Variants in DEFB123 observed in about 807,000 individuals in gnomAD.
DEFB123 encodes the protein beta-defensin 123.
For synonymous variants in DEFB123, 22 were observed against 28.3 expected, an observed-to-expected ratio of 0.78 and a Z score of 0.71; for missense variants, 71 against 75.0, an observed-to-expected ratio of 0.95 and a Z score of 0.20.
intron 1 of DEFB123, among the ~76,000 whole-genome samples, chr20:31,443,928 C>T (rs1979524901): frequency 6.6e-6 from 1 of 152,122 alleles, no homozygotes; most frequent in African/African-American, 2.4e-5. Context: ...TGTCTGAACC[C>T]CCCAGGTTCA....
intron 1 of DEFB123, among the ~76,000 whole-genome samples, chr20:31,448,784 T>A (rs1979657421): frequency 6.6e-6 from 1 of 152,072 alleles, no homozygotes; most frequent in Non-Finnish European, 1.5e-5. Context: ...CGATCTCAGC[T>A]CACTGCAACC....
At chr20:31,449,777 A>AG (rs2050956510) in intron 1 of DEFB123, among the ~76,000 whole-genome samples, 2 of 140,792 alleles carry the variant, frequency 1.4e-5, no homozygotes, top group Admixed American at 6.7e-5. Context: ...CAAAAAAAAA[A>AG]AAAAAAAAAA....
Position 31,449,964 on chromosome 20 carries a change from C to T in DEFB123, c.59-65C>T, listed in dbSNP as rs1979695426. 2.0e-6 allele frequency: 3 copies of T among 1,504,374 alleles called. No homozygotes were observed. The East Asian group carries it at 7.4e-5, about 37-fold the overall frequency. The allele number at this position is 1,504,374 out of a possible 1,614,324, so 93.2% of individuals were successfully genotyped here. Reference sequence around the variant, plus strand: ...TCATCTGTTTCCATTCTTTTACAGACCTTTCAAATCCGGAGCCTACTTGTT... The same window carrying T: ...TCATCTGTTTCCATTCTTTTACAGATCTTTCAAATCCGGAGCCTACTTGTT... On this transcript the variant is annotated intron_variant, in intron 1 of 1. Coordinates refer to ENST00000376309, the MANE Select transcript of DEFB123 (RefSeq NM_153324.4).
chr20:31,442,488 A>C (rs1041865225), intron 1 of DEFB123, among the ~76,000 whole-genome samples: 1 of 152,182 alleles, frequency 6.6e-6, no homozygotes, highest in Admixed American at 6.5e-5. Flanking sequence ...GAGGACCCAA[A>C]GAATTTGAAA....
At chr20:31,448,770 G>A (rs1304630501) in intron 1 of DEFB123, among the ~76,000 whole-genome samples, 1 of 151,934 alleles carries the variant, frequency 6.6e-6, no homozygotes, top group Non-Finnish European at 1.5e-5. Flanking sequence ...GAAGTGCGAT[G>A]GCACGATCTC....
intron 1 of DEFB123, among the ~76,000 whole-genome samples, chr20:31,444,003 G>A (rs1979526536): frequency 6.6e-6 from 1 of 152,066 alleles, no homozygotes; most frequent in African/African-American, 2.4e-5. Context: ...ACAAATGTTG[G>A]TCCTTAAAAT....
rs1292143670 is a variant in DEFB123, at chr20:31,442,554, G to GA, written c.58+1801dup. Among the ~76,000 whole-genome samples the GA allele has an allele frequency of 2.0e-5, 3 of 150,280 alleles. No homozygotes were observed. The East Asian group carries it at 5.8e-4, about 29-fold the overall frequency. On this transcript the variant is annotated intron_variant, in intron 1 of 1. Coordinates refer to ENST00000376309, the MANE Select transcript of DEFB123 (RefSeq NM_153324.4). ...TGAGTACAGTGAGCAGAATAGGCAG[G>GA]AAAGGAAATAGTGAACACCAGGGGA...
At chr20:31,445,075 C>A (rs1470976483) in intron 1 of DEFB123, among the ~76,000 whole-genome samples, 3 of 152,156 alleles carry the variant, frequency 2.0e-5, no homozygotes, top group Admixed American at 2.0e-4. Flanking sequence ...GTCATTTGAT[C>A]TATAACTTTC....
At chr20:31,450,000 C>T in intron 1 of DEFB123, 29 bp from the exon 2 acceptor site, 2 of 1,594,966 alleles carry the variant, frequency 1.3e-6, no homozygotes, top group Non-Finnish European at 1.7e-6. Context: ...AGGACTGATA[C>T]TGTCTCCCTT....
At chr20:31,445,728 C>CG (rs1979571480) in intron 1 of DEFB123, among the ~76,000 whole-genome samples, 2 of 152,072 alleles carry the variant, frequency 1.3e-5, no homozygotes, top group Admixed American at 1.3e-4. Flanking sequence ...TTAGTAAAGA[C>CG]GGGGGTTTCA....
intron 1 of DEFB123, among the ~76,000 whole-genome samples, chr20:31,444,598 C>T (rs1373678620): frequency 6.6e-6 from 1 of 152,152 alleles, no homozygotes; most frequent in East Asian, 1.9e-4. Context: ...GTATGAGTGT[C>T]ATTCCTTTCA....
At chr20:31,443,636 A>G (rs1454406006) in intron 1 of DEFB123, among the ~76,000 whole-genome samples, 3 of 152,154 alleles carry the variant, frequency 2.0e-5, no homozygotes, top group East Asian at 3.9e-4. Context: ...CAGGTCAACC[A>G]GTAGACTGCT....
rs370689322 is a variant in DEFB123, at chr20:31,446,412, G to T, written c.59-3617G>T. On this transcript the variant is annotated intron_variant, in intron 1 of 1. Coordinates refer to ENST00000376309, the MANE Select transcript of DEFB123 (RefSeq NM_153324.4). ...ACCAGCACCTGGCTTTGAAATGAAG[G>T]CTGCTTTTCTGTACTGAAAGGCTCA... 1.4e-3 allele frequency among the ~76,000 whole-genome samples: 220 copies of T among 152,312 alleles called. 1 individual carries two copies. The highest frequency in any genetic ancestry group is 5.1e-3 in the African/African-American group (214 of 41,576).
intron 1 of DEFB123, among the ~76,000 whole-genome samples, chr20:31,443,926 C>T (rs1486521509): frequency 1.3e-5 from 2 of 152,134 alleles, no homozygotes; most frequent in African/African-American, 4.8e-5. Context: ...ATTGTCTGAA[C>T]CCCCCAGGTT....
At chr20:31,448,330 T>C (rs1979644367) in intron 1 of DEFB123, among the ~76,000 whole-genome samples, 1 of 152,210 alleles carries the variant, frequency 6.6e-6, no homozygotes, top group African/African-American at 2.4e-5. Flanking sequence ...TGCCTTTGCA[T>C]GCTTCTCTTT....
chr20:31,445,539 A>T (rs201644787), intron 1 of DEFB123, among the ~76,000 whole-genome samples: 5 of 151,858 alleles, frequency 3.3e-5, no homozygotes, highest in Non-Finnish European at 2.9e-5. Context: ...TGATCAAATA[A>T]TTTTTTTGTT....
At chr20:31,445,406 T>C (rs1979562253) in intron 1 of DEFB123, among the ~76,000 whole-genome samples, 1 of 152,246 alleles carries the variant, frequency 6.6e-6, no homozygotes, top group South Asian at 2.1e-4. Context: ...ATACTCCTCA[T>C]TGTCTACTAT....
chr20:31,441,210 G>A (rs1045944027), intron 1 of DEFB123, among the ~76,000 whole-genome samples: 1 of 152,204 alleles, frequency 6.6e-6, no homozygotes, highest in Non-Finnish European at 1.5e-5. Context: ...CATGGTGCCA[G>A]GGGAACTAAC....
chr20:31,447,154 C>T (rs1600553142), intron 1 of DEFB123, among the ~76,000 whole-genome samples: 1 of 151,384 alleles, frequency 6.6e-6, no homozygotes, highest in Middle Eastern at 3.5e-3. Context: ...TCCAGCTACT[C>T]GGGAGGCTGA....
Sources: allele counts gnomAD v4.1 joint callset (sites outside exome capture counted in the v4.1 genomes callset), GRCh38; gene constraint gnomAD v4.1.1; transcripts MANE v1.5; gene names NCBI Gene and HGNC (gene_info 2026-07-23, HGNC 2026-07-21).